The following AMELY variants were observed in gnomAD, a reference collection of about 807,000 sequenced individuals.
AMELY encodes amelogenin, Y isoform.
Under a neutral mutation model 4.2 loss-of-function variants are expected in AMELY, and 4 were observed. That is an observed-to-expected ratio of 0.96 (90% confidence interval 0.47 to 2.19). AMELY has a LOEUF of 2.19. Ranked by LOEUF, AMELY falls within the 30% of genes most tolerant of loss-of-function variation. The pLI is 0.02. For missense variants in AMELY, 32 were observed against 41.5 expected (o/e 0.77, Z 0.63); for synonymous variants, 11 against 14.7 (o/e 0.75, Z 0.57).
rs199746797 is a variant in AMELY, at chrY:6,881,365, G to A, written c.-112-7294C>T. Among the ~76,000 whole-genome samples the A allele has an allele frequency of 1.6e-3, 54 of 33,352 alleles. No individual in the cohort carries two copies. The East Asian group carries it at 0.041, about 26-fold the overall frequency. 89.5% of individuals were successfully genotyped at this position (33,352 alleles called of 37,273 possible). On this transcript the variant is annotated intron_variant, in intron 1 of 6. Coordinates refer to ENST00000651267, the MANE Select transcript of AMELY (RefSeq NM_001143.2). The stretch of plus-strand genomic sequence containing the variant: ...AAACCACATGATTATCTCAACAGAT[G>A]CAGAAAAGGCCTTCGACAAAATTCA...
At chrY:6,879,038 A>T in intron 1 of AMELY, among the ~76,000 whole-genome samples, 1 of 33,503 alleles carries the variant, frequency 3.0e-5, no homozygotes, top group African/African-American at 1.2e-4. Flanking sequence ...CTTTGGGTAT[A>T]TACCCAGTAA....
chrY:6,877,964 T>TTG (rs749471604), intron 1 of AMELY, among the ~76,000 whole-genome samples: 208 of 28,732 alleles, frequency 7.2e-3, no homozygotes, highest in East Asian at 0.058. Context: ...TCTCAAACAA[T>TTG]TGTGTGTGTG....
At chrY:6,895,423 TGA>T (rs2054085611) in intron 1 of AMELY, among the ~76,000 whole-genome samples, 2 of 33,488 alleles carry the variant, frequency 6.0e-5, no homozygotes, top group African/African-American at 1.2e-4. Context: ...TTGTGTAAGC[TGA>T]CTCTTAGCAT....
intron 1 of AMELY, among the ~76,000 whole-genome samples, chrY:6,886,792 A>G (rs937206204): frequency 5.9e-5 from 2 of 34,124 alleles, no homozygotes; most frequent in African/African-American, 2.3e-4. Flanking sequence ...GAACATAACA[A>G]TATAAACAGC....
chrY:6,884,228 C>G (rs2054077224), intron 1 of AMELY, among the ~76,000 whole-genome samples: 1 of 19,253 alleles, frequency 5.2e-5, no homozygotes, highest in Non-Finnish European at 1.0e-4. Flanking sequence ...GGGAGGTGAA[C>G]AATTAGAACA....
intron 1 of AMELY, among the ~76,000 whole-genome samples, chrY:6,885,044 C>T: frequency 8.8e-5 from 3 of 34,103 alleles, no homozygotes; most frequent in South Asian, 6.6e-4. Flanking sequence ...TAGCATTTCA[C>T]ATCAATCAGA....
intron 1 of AMELY, among the ~76,000 whole-genome samples, chrY:6,877,776 C>T: frequency 3.0e-5 from 1 of 32,966 alleles, no homozygotes; most frequent in African/African-American, 1.2e-4. Flanking sequence ...TGTACCACTG[C>T]TACTGGGGGC....
At chrY:6,911,220 G>A in intron 1 of AMELY, among the ~76,000 whole-genome samples, 1 of 34,826 alleles carries the variant, frequency 2.9e-5, no homozygotes, top group African/African-American at 1.1e-4. Context: ...CGCCGTGTGG[G>A]GAGTGTACGG....
At chrY:6,878,845 G>A (rs762728944) in intron 1 of AMELY, among the ~76,000 whole-genome samples, 633 of 33,111 alleles carry the variant, frequency 0.019, no homozygotes, top group Non-Finnish European at 0.037. Context: ...CTGTTGTATC[G>A]CTGGTAGAAA....
intron 3 of AMELY, among the ~76,000 whole-genome samples, chrY:6,872,346 G>A (rs773406590): frequency 1.8e-3 from 61 of 33,243 alleles, no homozygotes; most frequent in Non-Finnish European, 2.7e-3. Context: ...ACAAAGATGC[G>A]AATGAGCATG....
intron 1 of AMELY, among the ~76,000 whole-genome samples, chrY:6,909,456 TGAA>T (rs2011676373): frequency 3.1e-5 from 1 of 32,241 alleles, no homozygotes; most frequent in Non-Finnish European, 7.5e-5. Context: ...CCGGGAGCAA[TGAA>T]GGGCAGGCTC....
chrY:6,898,241 C>T (rs2054087268), intron 1 of AMELY, among the ~76,000 whole-genome samples: 1 of 33,439 alleles, frequency 3.0e-5, no homozygotes, highest in Non-Finnish European at 7.4e-5. Flanking sequence ...TGATATTACC[C>T]AATGTGTTTT....
intron 1 of AMELY, among the ~76,000 whole-genome samples, chrY:6,908,949 G>A (rs941087289): frequency 8.9e-5 from 3 of 33,632 alleles, no homozygotes; most frequent in South Asian, 1.3e-3. Flanking sequence ...TTTGCAGTTA[G>A]CTACAGAAGA....
intron 1 of AMELY, among the ~76,000 whole-genome samples, chrY:6,908,456 CA>C (rs1337838200): frequency 5.5e-4 from 1 of 1,820 alleles, no homozygotes; most frequent in African/African-American, 2.4e-3. Flanking sequence ...AGTCAGTCTC[CA>C]AAAAAAAAAA....
At chrY:6,885,344 GGACA>G (rs2054079027) in intron 1 of AMELY, among the ~76,000 whole-genome samples, 1 of 33,699 alleles carries the variant, frequency 3.0e-5, no homozygotes, top group African/African-American at 1.2e-4. Context: ...GCGTGGTGGT[GGACA>G]CCTGTAGTCC....
chrY:6,883,831 C>T, intron 1 of AMELY, among the ~76,000 whole-genome samples: 8 of 32,401 alleles, frequency 2.5e-4, no homozygotes, highest in Non-Finnish European at 4.5e-4. Flanking sequence ...CTTTTCTATC[C>T]TTGAGTTTCC....
Position 6,868,427 on chromosome Y carries a change from C to A in AMELY, c.183G>T (p.Trp61Cys). Residue 61 changes from tryptophan to cysteine, a missense_variant, in exon 6 of 7, where the codon TGG becomes TGT. Coordinates refer to ENST00000651267, the MANE Select transcript of AMELY (RefSeq NM_001143.2). ...CCACGGGGATGATTTGGTGGTGCAG[C>A]CATCCACCCATGGGCTCGTAACCAT... ...SSYGYEPMGGWLHHQIIPVVS... is the reference protein window; with the variant it reads ...SSYGYEPMGGCLHHQIIPVVS... 5.0e-6 allele frequency: 2 copies of A among 398,184 alleles called. No individual in the cohort carries two copies. The highest frequency in any genetic ancestry group is 7.1e-6 in the Non-Finnish European group (2 of 283,570).
chrY:6,882,871 G>C (rs971470580), intron 1 of AMELY, among the ~76,000 whole-genome samples: 36 of 33,551 alleles, frequency 1.1e-3, no homozygotes, highest in Non-Finnish European at 2.0e-3. Context: ...TCATTAGAGA[G>C]ATGCAAATCA....
chrY:6,908,456 CAAAAAAA>C (rs1337838200), intron 1 of AMELY, among the ~76,000 whole-genome samples: 1 of 1,824 alleles, frequency 5.5e-4, no homozygotes, highest in Admixed American at 6.4e-3. Flanking sequence ...AGTCAGTCTC[CAAAAAAA>C]AAAAAAAAAA....
Sources: allele counts gnomAD v4.1 joint callset (sites outside exome capture counted in the v4.1 genomes callset), GRCh38; gene constraint gnomAD v4.1.1; transcripts MANE v1.5; gene names NCBI Gene and HGNC (gene_info 2026-07-23, HGNC 2026-07-21).